KIAA1217: variants seen among roughly 807,000 people sequenced by gnomAD.
KIAA1217 encodes the protein sickle tail protein homolog.
A neutral mutation model predicts 163.9 loss-of-function variants in KIAA1217; 88 were observed. That is an observed-to-expected ratio of 0.54 (90% CI 0.45 to 0.64). The LOEUF is 0.64. Among genes scored for constraint, KIAA1217 ranks in the 30% least tolerant of loss-of-function variants. The probability of loss-of-function intolerance (pLI) is 0.00; values close to 1 mark genes in which losing one functional copy is unlikely to be tolerated. For missense variants in KIAA1217, 2,372 were observed against 2,475.0 expected, an observed-to-expected ratio of 0.96 and a Z score of 0.88; for synonymous variants, 903 against 923.1, an observed-to-expected ratio of 0.98 and a Z score of 0.39.
intron 2 of KIAA1217, among the ~76,000 whole-genome samples, chr10:24,156,882 T>C (rs1175035833): frequency 6.6e-6 from 1 of 152,218 alleles, no homozygotes; most frequent in Admixed American, 6.5e-5. Flanking sequence ...ATGGCCTCTT[T>C]GAGTGTCATG....
intron 1 of KIAA1217, among the ~76,000 whole-genome samples, chr10:23,891,202 C>A (rs1304588820): frequency 6.6e-6 from 1 of 151,950 alleles, no homozygotes; most frequent in Non-Finnish European, 1.5e-5. Flanking sequence ...ATAATCTCTG[C>A]CTTTTAAGTG....
At chr10:24,255,431 G>T in intron 2 of KIAA1217, 1 of 417,302 alleles carries the variant, frequency 2.4e-6, no homozygotes, top group South Asian at 1.7e-5. Context: ...CCACCCGTGG[G>T]CTCAGCACTG....
At chr10:23,918,921 C>A (rs1842735932) in intron 1 of KIAA1217, among the ~76,000 whole-genome samples, 5 of 152,136 alleles carry the variant, frequency 3.3e-5, no homozygotes, top group Admixed American at 3.3e-4. Context: ...TTAGATGTCT[C>A]CCCATACAAG....
chr10:24,056,084 C>T (rs2060521113), intron 2 of KIAA1217, among the ~76,000 whole-genome samples: 2 of 152,024 alleles, frequency 1.3e-5, no homozygotes, highest in South Asian at 4.1e-4. Context: ...AAGTTGGAGC[C>T]ATCATTTGCT....
intron 3 of KIAA1217, among the ~76,000 whole-genome samples, chr10:24,417,859 A>AT (rs56195155): frequency 0.65 from 96,158 of 147,890 alleles, 31,371 homozygotes; most frequent in African/African-American, 0.76. Context: ...GAATAGCTTG[A>AT]TTTTTTTTTT....
chr10:23,921,408 T>A (rs1481879679), intron 1 of KIAA1217, among the ~76,000 whole-genome samples: 36 of 152,216 alleles, frequency 2.4e-4, no homozygotes. Flanking sequence ...CTCCATCTGC[T>A]TGAATAATTT....
chr10:23,950,613 A>G (rs758481289), intron 1 of KIAA1217, among the ~76,000 whole-genome samples: 3 of 152,124 alleles, frequency 2.0e-5, no homozygotes, highest in Non-Finnish European at 4.4e-5. Context: ...GCATTCATGC[A>G]TTGATGAATT....
intron 2 of KIAA1217, among the ~76,000 whole-genome samples, chr10:24,130,193 A>C (rs982113118): frequency 5.3e-5 from 8 of 152,074 alleles, no homozygotes; most frequent in African/African-American, 1.7e-4. Flanking sequence ...TTAGAGACAG[A>C]GTTTCACTCT....
intron 1 of KIAA1217, among the ~76,000 whole-genome samples, chr10:23,934,860 G>A (rs1254599130): frequency 1.3e-5 from 2 of 151,120 alleles, no homozygotes; most frequent in African/African-American, 2.4e-5. Flanking sequence ...CTCGTGATCC[G>A]CCCACCTAGG....
At position 24,387,340 on chromosome 10, in the gene KIAA1217, G is replaced by A. The variant is rs999254481; in HGVS notation, c.553+6273G>A. ...CTCAATAGATGCAGAAAAGGCCTTC[G>A]ACAAGATTAAACAGCCTTCATGCTA... On this transcript the variant is annotated intron_variant, in intron 3 of 20. Transcript: ENST00000376454. Among the ~76,000 whole-genome samples the A allele has an allele frequency of 5.3e-5, 8 of 152,196 alleles. No individual in the cohort carries two copies. In the South Asian group the frequency reaches 1.7e-3, roughly 32 times the overall value.
At chr10:24,322,011 C>G (rs1052405936) in intron 2 of KIAA1217, among the ~76,000 whole-genome samples, 1 of 152,042 alleles carries the variant, frequency 6.6e-6, no homozygotes, top group Non-Finnish European at 1.5e-5. Flanking sequence ...TGCGGTGGCC[C>G]GATCTCGGCT....
chr10:24,159,453 T>C lies in KIAA1217; in HGVS notation c.-170-60173T>C, dbSNP rs1401221164. Among the ~76,000 whole-genome samples the C allele has an allele frequency of 2.6e-5, 4 of 152,206 alleles. No homozygotes were observed. The East Asian group carries it at 7.7e-4, about 29-fold the overall frequency. ...ACTCCTAGGATTCACTTAAGAAAAA[T>C]AAGTATATAAAAATATACCTAGGAT... On this transcript the variant is annotated intron_variant, in intron 2 of 18. Coordinates refer to the KIAA1217 transcript ENST00000376462.
chr10:24,306,899 T>G (rs1320332227), intron 2 of KIAA1217, among the ~76,000 whole-genome samples: 1 of 152,216 alleles, frequency 6.6e-6, no homozygotes, highest in African/African-American at 2.4e-5. Context: ...CTTGATCACT[T>G]GCATTTTACA....
At chr10:23,697,888 A>G (rs1237113287) in intron 1 of KIAA1217, among the ~76,000 whole-genome samples, 1 of 152,114 alleles carries the variant, frequency 6.6e-6, no homozygotes, top group Non-Finnish European at 1.5e-5. Context: ...AAAAAAAAAA[A>G]AAGTGTACAA....
At chr10:24,458,010 A>G (rs2061982180) in intron 5 of KIAA1217, among the ~76,000 whole-genome samples, 1 of 152,214 alleles carries the variant, frequency 6.6e-6, no homozygotes, top group South Asian at 2.1e-4. Context: ...GTGTCTCTGA[A>G]GAGGAGGCTT....
At chr10:24,510,612 T>C (rs1448803677) in intron 9 of KIAA1217, among the ~76,000 whole-genome samples, 2 of 152,186 alleles carry the variant, frequency 1.3e-5, no homozygotes, top group African/African-American at 4.8e-5. Flanking sequence ...TCTACTCATT[T>C]TCCCCTCACA....
chr10:24,025,604 A>T (rs72773153), intron 2 of KIAA1217, among the ~76,000 whole-genome samples: 35,924 of 151,566 alleles, frequency 0.24, 4,751 homozygotes, highest in Middle Eastern at 0.4. Flanking sequence ...TTGGGGGACA[A>T]TTAAAAGCAA....
At chr10:24,431,685 A>G (rs2059616854) in intron 3 of KIAA1217, among the ~76,000 whole-genome samples, 1 of 152,138 alleles carries the variant, frequency 6.6e-6, no homozygotes, top group Admixed American at 6.5e-5. Flanking sequence ...CAGGGTGCAA[A>G]CACATATCAA....
chr10:24,438,837 C>G (rs1203330877), intron 5 of KIAA1217, among the ~76,000 whole-genome samples: 1 of 152,150 alleles, frequency 6.6e-6, no homozygotes, highest in East Asian at 1.9e-4. Flanking sequence ...ACCTAACATA[C>G]AAAAAGGCAA....
Sources: allele counts gnomAD v4.1 joint callset (sites outside exome capture counted in the v4.1 genomes callset), GRCh38; gene constraint gnomAD v4.1.1; transcripts MANE v1.5; gene names NCBI Gene and HGNC (gene_info 2026-07-23, HGNC 2026-07-21).